DNAAF11: variants seen among roughly 807,000 people sequenced by gnomAD.
DNAAF11 encodes leucine rich repeat containing 6.
Under a neutral mutation model 60.8 loss-of-function variants are expected in DNAAF11, and 45 were observed. The ratio of observed to expected loss-of-function variants is 0.74; its 90% CI spans 0.58 to 0.95. The LOEUF is 0.95. Among genes scored for constraint, DNAAF11 ranks in the 40% least tolerant of loss-of-function variants. The probability of loss-of-function intolerance (pLI) is 0.00; values close to 1 mark genes in which losing one functional copy is unlikely to be tolerated. For missense variants in DNAAF11, 546 were observed against 546.2 expected, an observed-to-expected ratio of 1.00 and a Z score of 0.00; for synonymous variants, 191 against 183.5, an observed-to-expected ratio of 1.04 and a Z score of -0.33.
At chr8:132,665,104 T>C (rs1258620500) in intron 1 of DNAAF11, among the ~76,000 whole-genome samples, 1 of 152,016 alleles carries the variant, frequency 6.6e-6, no homozygotes, top group Non-Finnish European at 1.5e-5. Context: ...ATGTGGAAAT[T>C]TCCCAGCAGA....
intron 7 of DNAAF11, among the ~76,000 whole-genome samples, chr8:132,619,112 G>A (rs1425550659): frequency 6.6e-6 from 1 of 152,256 alleles, no homozygotes; most frequent in African/African-American, 2.4e-5. Context: ...GGAATACTAT[G>A]CAGCCATAAA....
At chr8:132,605,197 G>C (rs1053177394) in intron 10 of DNAAF11, among the ~76,000 whole-genome samples, 13 of 152,134 alleles carry the variant, frequency 8.5e-5, no homozygotes, top group African/African-American at 3.1e-4. Context: ...CTGAGGCACA[G>C]AGAGATGAAT....
At chr8:132,589,922 G>T (rs1018293803) in intron 10 of DNAAF11, among the ~76,000 whole-genome samples, 2 of 152,180 alleles carry the variant, frequency 1.3e-5, no homozygotes, top group Non-Finnish European at 2.9e-5. Flanking sequence ...TAACATGAAG[G>T]TTAAGGGGAT....
the DNAAF11 span, among the ~76,000 whole-genome samples, chr8:132,682,756 A>C: frequency 6.6e-6 from 1 of 152,230 alleles, no homozygotes; most frequent in Non-Finnish European, 1.5e-5. Flanking sequence ...TATTTGGTTC[A>C]TGATTCTGAT....
intron 11 of DNAAF11, among the ~76,000 whole-genome samples, chr8:132,576,391 T>C (rs1268900970): frequency 2.6e-5 from 4 of 152,194 alleles, no homozygotes; most frequent in Non-Finnish European, 5.9e-5. Context: ...TCAATAACCT[T>C]ACTAAGTAGA....
At chr8:132,581,119 A>G (rs1294360206) in intron 11 of DNAAF11, among the ~76,000 whole-genome samples, 1 of 152,214 alleles carries the variant, frequency 6.6e-6, no homozygotes. Context: ...TTAAATTGTC[A>G]TACTTTAAAC....
chr8:132,632,016 T>C lies in DNAAF11; in HGVS notation c.653+724A>G, dbSNP rs1014322439. The stretch of plus-strand genomic sequence containing the variant: ...TGTACTCTAAAACTTAAAGTATAAT[T>C]TAAAAAAAAGTAAAAAAAAAAAAGA... On this transcript the variant is annotated intron_variant, in intron 5 of 11. Transcript: ENST00000620350. Among the ~76,000 whole-genome samples, 4 of 151,636 alleles carry C rather than the reference T, an allele frequency of 2.6e-5. No individual in the cohort carries two copies. In the East Asian group the frequency reaches 7.8e-4, roughly 29 times the overall value.
At chr8:132,646,548 G>A (rs1822408003) in intron 3 of DNAAF11, among the ~76,000 whole-genome samples, 1 of 152,174 alleles carries the variant, frequency 6.6e-6, no homozygotes, top group South Asian at 2.1e-4. Flanking sequence ...TGGCAAATTG[G>A]ATAAAGAGTC....
chr8:132,633,808 T>C (rs1448940011), intron 4 of DNAAF11, among the ~76,000 whole-genome samples: 2 of 152,070 alleles, frequency 1.3e-5, no homozygotes, highest in Non-Finnish European at 2.9e-5. Flanking sequence ...TCTTTGGAGA[T>C]GGAGGAAGAG....
chr8:132,658,238 A>G (rs1183935177), intron 2 of DNAAF11, among the ~76,000 whole-genome samples: 2 of 152,228 alleles, frequency 1.3e-5, no homozygotes, highest in Non-Finnish European at 2.9e-5. Flanking sequence ...TTTCTCTCAG[A>G]ATTTAAATTA....
chr8:132,621,395 G>A (rs1409788002), intron 7 of DNAAF11, among the ~76,000 whole-genome samples: 1 of 152,174 alleles, frequency 6.6e-6, no homozygotes, highest in Non-Finnish European at 1.5e-5. Flanking sequence ...TGACCTGGGA[G>A]GGGAGGAACA....
At position 132,625,426 on chromosome 8, in the gene DNAAF11, G is replaced by A. The variant is rs1170838072; in HGVS notation, c.682C>T (p.Gln228Ter). 1.2e-6 allele frequency: 2 copies of A among 1,611,040 alleles called. No homozygotes were observed. The highest frequency in any genetic ancestry group is 1.1e-5 in the South Asian group (1 of 90,090). ...TTGTGTTCCTCTGTGTCTGGTGCCTGTAGGTGGTCTTTGCTCTCTAAAGAG... is the reference window on the plus strand; with the variant it reads ...TTGTGTTCCTCTGTGTCTGGTGCCTATAGGTGGTCTTTGCTCTCTAAAGAG... ...LSSLESKDHL[Q>*]APDTEEHNTK... Residue 228 changes from glutamine (Q) to a stop codon, truncating the protein, a stop_gained, in exon 6 of 12, where the codon CAG (glutamine) becomes TAG (stop). Transcript: ENST00000620350. LOFTEE classifies it high-confidence loss of function.
chr8:132,638,196 C>T, intron 3 of DNAAF11, 89 bp from the exon 4 acceptor site: 1 of 958,148 alleles, frequency 1.0e-6, no homozygotes. Context: ...ACAGAAGTAA[C>T]AGTTGTAGTA....
chr8:132,681,946 TAACACTAAAGTGTTTAG>T, the DNAAF11 span, among the ~76,000 whole-genome samples: 1 of 152,192 alleles, frequency 6.6e-6, no homozygotes, highest in African/African-American at 2.4e-5. Flanking sequence ...ATAAAATGGG[TAACACTAAAGTGTTTAG>T]TTGATTGAAT....
intron 7 of DNAAF11, among the ~76,000 whole-genome samples, chr8:132,617,181 G>A (rs549400007): frequency 6.6e-6 from 1 of 152,278 alleles, no homozygotes; most frequent in East Asian, 1.9e-4. Flanking sequence ...GAAGAGGTTG[G>A]ATCGAGTTGG....
chr8:132,608,931 G>A (rs530808313), intron 10 of DNAAF11, among the ~76,000 whole-genome samples: 16 of 152,254 alleles, frequency 1.1e-4, no homozygotes, highest in Admixed American at 2.0e-4. Context: ...TACAGGAAAC[G>A]CAGAATTATT....
At chr8:132,689,835 C>T in the DNAAF11 span, among the ~76,000 whole-genome samples, 1 of 152,080 alleles carries the variant, frequency 6.6e-6, no homozygotes, top group South Asian at 2.1e-4. Context: ...GCCTCAGCCT[C>T]CCAAGTAGCT....
the DNAAF11 span, among the ~76,000 whole-genome samples, chr8:132,692,293 T>G: frequency 2.0e-5 from 3 of 152,182 alleles, no homozygotes; most frequent in African/African-American, 7.2e-5. Context: ...GTCATGGAAA[T>G]GAACTAATTT....
At chr8:132,591,902 T>A (rs1047935226) in intron 10 of DNAAF11, among the ~76,000 whole-genome samples, 3 of 152,182 alleles carry the variant, frequency 2.0e-5, no homozygotes, top group Non-Finnish European at 2.9e-5. Flanking sequence ...TGGTAATTTT[T>A]AAAATTATTT....
Sources: gnomAD v4.1 joint callset for allele counts (sites outside exome capture counted in the v4.1 genomes callset) on GRCh38, gnomAD v4.1.1 for gene constraint, MANE v1.5 for transcripts, NCBI Gene and HGNC (gene_info 2026-07-23, HGNC 2026-07-21) for gene names.